The following ZPLD1 variants were observed in gnomAD, a reference collection of about 807,000 sequenced individuals.
ZPLD1 encodes the protein zona pellucida-like domain-containing protein 1.
A neutral mutation model predicts 47.2 loss-of-function variants in ZPLD1; 34 were observed. That is an observed-to-expected ratio of 0.72 (90% CI 0.55 to 0.96). The LOEUF (loss-of-function observed/expected upper bound fraction) is 0.96, where lower values mean the gene tolerates loss of function less well. Among genes scored for constraint, ZPLD1 ranks in the 40% least tolerant of loss-of-function variants. ZPLD1 has a pLI of 0.00. For missense variants in ZPLD1, 512 were observed against 505.8 expected (o/e 1.01, Z -0.12); for synonymous variants, 176 against 186.2 (o/e 0.95, Z 0.45).
chr3:102,390,925 T>TA (rs1706487909), intron 6 of ZPLD1, among the ~76,000 whole-genome samples: 1 of 152,088 alleles, frequency 6.6e-6, no homozygotes, highest in Admixed American at 6.6e-5. Flanking sequence ...AGTGATATTC[T>TA]AGGCTCCCAA....
rs114179244 is a variant in ZPLD1 at position 102,477,048 on chromosome 3, T to A, written c.1072+7T>A. 2.0e-4 allele frequency: 326 copies of A among 1,613,566 alleles called. 1 individual carries two copies. In the African/African-American group the frequency reaches 4.0e-3, roughly 20 times the overall value. ...ACCAACAATTCGCAACTTGGTAAGA[T>A]AATTAACATATTTTGCAATGTTTTT... On this transcript the variant is annotated splice_region_variant and intron_variant, in intron 11 of 11. Transcript: ENST00000466937.
chr3:102,451,024 A>T (rs1434434002), intron 3 of ZPLD1, among the ~76,000 whole-genome samples: 1 of 152,200 alleles, frequency 6.6e-6, no homozygotes, highest in East Asian at 1.9e-4. Flanking sequence ...TATTGCGTCG[A>T]ATTTCCTATA....
intron 1 of ZPLD1, among the ~76,000 whole-genome samples, chr3:102,436,268 G>A (rs550268889): frequency 3.3e-5 from 5 of 152,150 alleles, no homozygotes; most frequent in Non-Finnish European, 7.4e-5. Context: ...ACACAAATGT[G>A]TCTAGTTTAG....
upstream of ZPLD1, among the ~76,000 whole-genome samples, chr3:102,431,630 C>T (rs928150796): frequency 1.3e-5 from 2 of 152,096 alleles, no homozygotes; most frequent in Non-Finnish European, 2.9e-5. Flanking sequence ...GATTTAGGGC[C>T]GGGCATGATG....
chr3:102,478,427 A>T lies in ZPLD1; in HGVS notation c.*809A>T, dbSNP rs1368117036. 7.2e-6 allele frequency: 1 copy of T among 138,796 alleles called. No individual in the cohort carries two copies. Among genetic ancestry groups the T allele is most frequent in the Non-Finnish European group, 1.6e-5 (1 of 62,032 alleles). 8.6% of individuals were successfully genotyped at this position (138,796 alleles called of 1,614,324 possible). A position where few individuals can be genotyped will look rare whatever the true frequency, so the allele number is the denominator to read the frequency against. On this transcript the variant is annotated 3_prime_UTR_variant, in exon 12 of 12. Coordinates refer to ENST00000466937, the MANE Select transcript of ZPLD1 (RefSeq NM_001329788.2). Reference sequence around the variant, plus strand: ...CCAGCAGTGAGGTAACTATGCAAAGATTATTTTTAATTCAAGAATCATCAC... The same window carrying T: ...CCAGCAGTGAGGTAACTATGCAAAGTTTATTTTTAATTCAAGAATCATCAC...
intron 7 of ZPLD1, among the ~76,000 whole-genome samples, chr3:102,403,436 T>G (rs900360202): frequency 1.3e-5 from 2 of 152,004 alleles, no homozygotes; most frequent in African/African-American, 2.4e-5. Flanking sequence ...GTAACTATCA[T>G]GAATTGGTGG....
chr3:102,434,429 A>G (rs188999427), upstream of ZPLD1, among the ~76,000 whole-genome samples: 53 of 152,340 alleles, frequency 3.5e-4, no homozygotes, highest in Admixed American at 1.2e-3. Context: ...TATGAGAAAT[A>G]TTGACATATT....
chr3:102,461,204 T>C (rs552015404), intron 6 of ZPLD1, among the ~76,000 whole-genome samples: 1 of 152,160 alleles, frequency 6.6e-6, no homozygotes, highest in South Asian at 2.1e-4. Context: ...GATTTTAAGA[T>C]TTTATAATGA....
intron 11 of ZPLD1, 25 bp downstream of exon 11, chr3:102,477,066 A>G (rs748448515): frequency 1.2e-5 from 20 of 1,612,622 alleles, no homozygotes; most frequent in Non-Finnish European, 1.6e-5. Context: ...ATATTTTGCA[A>G]TGTTTTTTAC....
Position 102,456,476 on chromosome 3 carries a change from G to A in ZPLD1, c.509+102G>A. The A allele has an allele frequency of 2.9e-6, 3 of 1,036,146 alleles. No homozygotes were observed. In the African/African-American group the frequency reaches 4.8e-5, roughly 17 times the overall value. 64.2% of individuals were successfully genotyped at this position (1,036,146 alleles called of 1,614,324 possible). A position where few individuals can be genotyped will look rare whatever the true frequency, so the allele number is the denominator to read the frequency against. ...AAGATAGCAGGATTTATTAAAAATA[G>A]TTAAATTCAAACAATGTAATGGGAA... On this transcript the variant is annotated intron_variant, in intron 5 of 11. Coordinates refer to ENST00000466937, the MANE Select transcript of ZPLD1 (RefSeq NM_001329788.2).
chr3:102,412,604 C>T (rs1706757996), intron 7 of ZPLD1, among the ~76,000 whole-genome samples: 1 of 151,712 alleles, frequency 6.6e-6, no homozygotes, highest in African/African-American at 2.4e-5. Flanking sequence ...AGTGCTGTCA[C>T]ACATAATTTG....
chr3:102,461,190 C>T (rs1437257441), intron 6 of ZPLD1, among the ~76,000 whole-genome samples: 2 of 151,862 alleles, frequency 1.3e-5, no homozygotes, highest in Non-Finnish European at 1.5e-5. Flanking sequence ...TTGTCTTTCC[C>T]AATGATTTTA....
At chr3:102,410,247 C>T (rs1706734914) in intron 7 of ZPLD1, among the ~76,000 whole-genome samples, 2 of 151,740 alleles carry the variant, frequency 1.3e-5, no homozygotes, top group East Asian at 1.9e-4. Flanking sequence ...TATGGATGCA[C>T]TCCCACCCTG....
chr3:102,402,535 C>A (rs540013688), intron 7 of ZPLD1, among the ~76,000 whole-genome samples: 1 of 151,838 alleles, frequency 6.6e-6, no homozygotes, highest in African/African-American at 2.4e-5. Context: ...AAGGCTAAGT[C>A]GGTAGTGAGA....
intron 8 of ZPLD1, among the ~76,000 whole-genome samples, chr3:102,421,269 T>C (rs16845031): frequency 0.01 from 1,548 of 152,058 alleles, 26 homozygotes; most frequent in African/African-American, 0.035. Flanking sequence ...ATCTTGTTTA[T>C]ATTACATGAG....
chr3:102,421,582 A>T (rs775509788), intron 8 of ZPLD1, among the ~76,000 whole-genome samples: 7 of 151,904 alleles, frequency 4.6e-5, no homozygotes, highest in Non-Finnish European at 1.0e-4. Context: ...TGAAGGTAAT[A>T]TATTTCTATT....
Position 102,453,065 on chromosome 3 carries a change from A to G in ZPLD1, c.253A>G (p.Asn85Asp). The G allele has an allele frequency of 6.2e-7, 1 of 1,614,112 alleles. No homozygotes were observed. Among genetic ancestry groups the G allele is most frequent in the Non-Finnish European group, 8.5e-7 (1 of 1,179,988 alleles). ...GDSHCRGFIN[N>D]NTFPAVVIFI... ...CTCCCACTGCAGAGGGTTCATCAAT[A>G]ACAACACCTTTCCAGCAGTGGTCAT... Residue 85 changes from asparagine to aspartate, a missense_variant, in exon 4 of 12, where the codon AAC becomes GAC. Asn to Asp is a conservative substitution (Grantham distance 23, BLOSUM62 1). Coordinates refer to ENST00000466937, the MANE Select transcript of ZPLD1 (RefSeq NM_001329788.2).
intron 3 of ZPLD1, 47 bp downstream of exon 3, chr3:102,438,640 T>TA: frequency 6.9e-7 from 1 of 1,444,854 alleles, no homozygotes; most frequent in Non-Finnish European, 9.7e-7. Context: ...GGAAGAGTGA[T>TA]TATATTTGAA....
In ZPLD1 at chr3:102,438,501, G is replaced by A; in HGVS notation, c.14G>A (p.Trp5Ter). 6.2e-7 allele frequency: 1 copy of A among 1,613,864 alleles called. No homozygotes were observed. Among genetic ancestry groups the A allele is most frequent in the African/African-American group, 1.3e-5 (1 of 75,026 alleles). Residue 5 changes from tryptophan (W) to a stop codon, truncating the protein, a stop_gained, in exon 3 of 12, where the codon TGG becomes TAG. Coordinates refer to ENST00000466937, the MANE Select transcript of ZPLD1 (RefSeq NM_001329788.2). LOFTEE classifies it high-confidence loss of function. ...CCAGGTTTTGCAATGGAACAAATAT[G>A]GTTGCTGCTGCTTCTAACAATTAGA... MEQI[W>*]LLLLLTIRVL...
Sources: allele counts gnomAD v4.1 joint callset (sites outside exome capture counted in the v4.1 genomes callset), GRCh38; gene constraint gnomAD v4.1.1; transcripts MANE v1.5; gene names NCBI Gene and HGNC (gene_info 2026-07-23, HGNC 2026-07-21).